Variants in AGAP1 observed in about 807,000 individuals in gnomAD.
AGAP1 encodes the protein ArfGAP with GTPase domain, ankyrin repeat and PH domain 1.
AGAP1 carries 29 observed loss-of-function variants against 105.3 expected under a neutral mutation model. The observed-to-expected ratio is 0.28, with a 90% CI of 0.21 to 0.38. The LOEUF (loss-of-function observed/expected upper bound fraction) is 0.38. AGAP1 is among the 10% of genes least tolerant of loss of function. The probability of loss-of-function intolerance (pLI) is 1.00; values close to 1 mark genes in which losing one functional copy is unlikely to be tolerated. For missense variants in AGAP1, 998 were observed against 1,165.1 expected, an observed-to-expected ratio of 0.86 and a Z score of 2.09; for synonymous variants, 509 against 485.9, an observed-to-expected ratio of 1.05 and a Z score of -0.63.
chr2:236,059,249 A>G (rs1020326972), intron 16 of AGAP1, among the ~76,000 whole-genome samples: 11 of 152,210 alleles, frequency 7.2e-5, no homozygotes, highest in Non-Finnish European at 1.3e-4. Context: ...ATTTACAAAT[A>G]GCATCAAAAA....
chr2:235,765,430 C>T (rs1954864815), intron 6 of AGAP1, among the ~76,000 whole-genome samples: 1 of 152,096 alleles, frequency 6.6e-6, no homozygotes, highest in Non-Finnish European at 1.5e-5. Flanking sequence ...GGAACATGTG[C>T]CTGCACTTTT....
In AGAP1 at chr2:236,003,140, G is replaced by A. The variant is rs1015134825; in HGVS notation, c.1646-33421G>A. The stretch of plus-strand genomic sequence containing the variant: ...TCTTACTGCAGCCTCTGCCTCCCAG[G>A]TTCAAGCAGTTCTTGTGCCTCAACC... On this transcript the variant is annotated intron_variant, in intron 13 of 17. Transcript: ENST00000304032. The surrounding 1 kb of genome is among the most constrained non-coding windows in gnomAD (Gnocchi z 4.2). Among the ~76,000 whole-genome samples, 2 of 152,210 alleles carry A rather than the reference G, an allele frequency of 1.3e-5. No individual in the cohort carries two copies. Among genetic ancestry groups the A allele is most frequent in the Non-Finnish European group, 2.9e-5 (2 of 68,038 alleles).
intron 9 of AGAP1, among the ~76,000 whole-genome samples, chr2:235,859,822 G>A (rs561272220): frequency 2.6e-5 from 4 of 152,240 alleles, no homozygotes; most frequent in South Asian, 2.1e-4. Flanking sequence ...AAATGCCTCC[G>A]CCCTGGAGCT....
At chr2:235,686,644 T>G (rs1313960076) in intron 1 of AGAP1, among the ~76,000 whole-genome samples, 2 of 51,804 alleles carry the variant, frequency 3.9e-5, no homozygotes, top group Non-Finnish European at 7.0e-5. Context: ...TATATATATA[T>G]AGATATATAT....
chr2:235,720,721 A>G lies in AGAP1; in HGVS notation c.310+3077A>G. The G allele has an allele frequency of 1.0e-6, 1 of 985,016 alleles. No individual in the cohort carries two copies. 61.0% of individuals were successfully genotyped at this position (985,016 alleles called of 1,614,324 possible). On this transcript the variant is annotated intron_variant, in intron 3 of 17. Coordinates refer to ENST00000304032, the MANE Select transcript of AGAP1 (RefSeq NM_001037131.3). This position sits in a 1 kb window ranked among gnomAD's most constrained non-coding sequence, Gnocchi z 5.0. The stretch of plus-strand genomic sequence containing the variant: ...CTTCTGATTTAATTAGTGCGTGAGT[A>G]TCCTTTATGTCATAATCCTGACCCG...
intron 16 of AGAP1, among the ~76,000 whole-genome samples, chr2:236,057,978 T>C (rs1453479003): frequency 6.6e-6 from 1 of 152,152 alleles, no homozygotes; most frequent in Non-Finnish European, 1.5e-5. Flanking sequence ...CCTGCTGATA[T>C]AGAAGATGTG....
intron 14 of AGAP1, among the ~76,000 whole-genome samples, chr2:236,039,798 T>C (rs2057491937): frequency 6.6e-6 from 1 of 152,234 alleles, no homozygotes; most frequent in Non-Finnish European, 1.5e-5. Context: ...GTAGATGTGC[T>C]TAAACAACAG....
rs561120924 is a variant in AGAP1 at position 235,912,046 on chromosome 2, C to T, written c.1324+3140C>T. On this transcript the variant is annotated intron_variant, in intron 11 of 17. Transcript: ENST00000304032. ...GGAGGGCGCAGATCTCAGATAGCAG[C>T]TCCCTGTTTATTGCTCAGCTTCATT... Among the ~76,000 whole-genome samples, 3 of 152,340 alleles carry T rather than the reference C, an allele frequency of 2.0e-5. No individual in the cohort carries two copies. In the South Asian group the frequency reaches 6.2e-4, roughly 32 times the overall value.
intron 1 of AGAP1, among the ~76,000 whole-genome samples, chr2:235,624,249 G>A (rs1006373111): frequency 6.6e-6 from 1 of 152,238 alleles, no homozygotes; most frequent in South Asian, 2.1e-4. Context: ...TCTGTATGTT[G>A]TGCGTGTTGG....
Position 235,740,366 on chromosome 2 carries a change from C to G in AGAP1, c.311-597C>G, listed in dbSNP as rs1006073926. Among the ~76,000 whole-genome samples, 1 of 152,186 alleles carries G rather than the reference C, an allele frequency of 6.6e-6. No homozygotes were observed. The highest frequency in any genetic ancestry group is 2.4e-5 in the African/African-American group (1 of 41,434). On this transcript the variant is annotated intron_variant, in intron 3 of 17. Coordinates refer to ENST00000304032, the MANE Select transcript of AGAP1 (RefSeq NM_001037131.3). This position sits in a 1 kb window ranked among gnomAD's most constrained non-coding sequence, Gnocchi z 5.7. Reference sequence around the variant, plus strand: ...CTCTAACGCCTCCTGTCAGCCGCTGCTCTGCTGTCTCCACCCGTGCGGAGG... The same window carrying G: ...CTCTAACGCCTCCTGTCAGCCGCTGGTCTGCTGTCTCCACCCGTGCGGAGG...
Position 235,904,104 on chromosome 2 carries a change from G to A in AGAP1, c.1156-4634G>A, listed in dbSNP as rs1169573375. Among the ~76,000 whole-genome samples the A allele has an allele frequency of 6.6e-6, 1 of 152,206 alleles. No homozygotes were observed. The highest frequency in any genetic ancestry group is 1.5e-5 in the Non-Finnish European group (1 of 68,036). On this transcript the variant is annotated intron_variant, in intron 10 of 17. Coordinates refer to ENST00000304032, the MANE Select transcript of AGAP1 (RefSeq NM_001037131.3). The surrounding 1 kb of genome is among the most constrained non-coding windows in gnomAD (Gnocchi z 4.2). The stretch of plus-strand genomic sequence containing the variant: ...ATCTGGGACATCAATTAGCATGTTT[G>A]TTGAGGCTAATTGAATGAAACTCAA...
chr2:235,499,324 A>G (rs1941463853), intron 1 of AGAP1, among the ~76,000 whole-genome samples: 2 of 152,254 alleles, frequency 1.3e-5, no homozygotes. Flanking sequence ...GACTGTGGCA[A>G]AACTTCCAGA....
chr2:235,722,321 ATCTGTTGCATG>A (rs1951427476), intron 3 of AGAP1, among the ~76,000 whole-genome samples: 1 of 152,208 alleles, frequency 6.6e-6, no homozygotes, highest in Non-Finnish European at 1.5e-5. Context: ...TTGAGGTTGA[ATCTGTTGCATG>A]TCTGTGCACA....
At chr2:235,851,074 C>T (rs1005552683) in intron 9 of AGAP1, among the ~76,000 whole-genome samples, 9 of 152,218 alleles carry the variant, frequency 5.9e-5, no homozygotes, top group Non-Finnish European at 8.8e-5. Context: ...ACAGGAAGGG[C>T]GCTGAGCTGC....
intron 6 of AGAP1, among the ~76,000 whole-genome samples, chr2:235,786,673 C>T (rs1240389691): frequency 6.6e-6 from 1 of 152,138 alleles, no homozygotes; most frequent in Non-Finnish European, 1.5e-5. Flanking sequence ...GTCCATTTTT[C>T]TGGAAAATGA....
intron 13 of AGAP1, among the ~76,000 whole-genome samples, chr2:235,980,279 C>A (rs1391471923): frequency 3.3e-5 from 5 of 152,164 alleles, no homozygotes; most frequent in Admixed American, 3.3e-4. Context: ...TGGCAGGCAG[C>A]CAGGGGTTTG....
At chr2:235,821,937 A>G (rs1207937683) in intron 9 of AGAP1, among the ~76,000 whole-genome samples, 1 of 152,184 alleles carries the variant, frequency 6.6e-6, no homozygotes, top group East Asian at 1.9e-4. Flanking sequence ...CATCTCCTGA[A>G]TAGATAGAAG....
intron 6 of AGAP1, chr2:235,774,551 C>A (rs1469084376): frequency 9.4e-6 from 3 of 318,678 alleles, no homozygotes; most frequent in Non-Finnish European, 1.9e-5. Context: ...CGATCAAGGA[C>A]TGAAAACTGT....
rs1947240539 is a variant in AGAP1, at chr2:235,642,737, G to C, written c.164-66442G>C. On this transcript the variant is annotated intron_variant, in intron 1 of 17. Coordinates refer to ENST00000304032, the MANE Select transcript of AGAP1 (RefSeq NM_001037131.3). This position sits in a 1 kb window ranked among gnomAD's most constrained non-coding sequence, Gnocchi z 4.1. ...GCCATAGAGGACTCTGCTTATGTGA[G>C]ATGTGCAGACATAATTCTTGCTTTT... Among the ~76,000 whole-genome samples, 1 of 152,266 alleles carries C rather than the reference G, an allele frequency of 6.6e-6. No homozygotes were observed. The highest frequency in any genetic ancestry group is 2.4e-5 in the African/African-American group (1 of 41,468).
Sources: allele counts gnomAD v4.1 joint callset (sites outside exome capture counted in the v4.1 genomes callset), GRCh38; gene constraint gnomAD v4.1.1; non-coding constraint Gnocchi (gnomAD v3.1); transcripts MANE v1.5; gene names NCBI Gene and HGNC (gene_info 2026-07-23, HGNC 2026-07-21).